Variants in PRORP observed in about 807,000 individuals in gnomAD.
PRORP encodes protein only RNase P catalytic subunit.
Under a neutral mutation model 59.4 loss-of-function variants are expected in PRORP, and 51 were observed. The ratio of observed to expected loss-of-function variants is 0.86; its 90% confidence interval spans 0.69 to 1.08. PRORP has a LOEUF of 1.08. PRORP is among the 50% of genes least tolerant of loss of function. The pLI is 0.00. For synonymous variants in PRORP, 231 were observed against 245.6 expected, an observed-to-expected ratio of 0.94 and a Z score of 0.55; for missense variants, 646 against 690.3, an observed-to-expected ratio of 0.94 and a Z score of 0.72.
At chr14:35,238,562 G>T (rs2050279935) in intron 5 of PRORP, among the ~76,000 whole-genome samples, 1 of 152,146 alleles carries the variant, frequency 6.6e-6, no homozygotes, top group African/African-American at 2.4e-5. Context: ...AAGAGGAAAA[G>T]AATGTGCTTA....
At chr14:35,209,477 G>A (rs1183248583) in intron 5 of PRORP, among the ~76,000 whole-genome samples, 5 of 152,054 alleles carry the variant, frequency 3.3e-5, no homozygotes, top group African/African-American at 1.2e-4. Flanking sequence ...TGTTAAGGTC[G>A]GTTTTAATTT....
Position 35,138,797 on chromosome 14 carries a change from A to ATT in PRORP, c.1167+11197_1167+11198dup, listed in dbSNP as rs368407981. 8.8e-5 allele frequency among the ~76,000 whole-genome samples: 12 copies of ATT among 136,824 alleles called. 1 individual carries two copies. The highest frequency in any genetic ancestry group is 1.3e-4 in the African/African-American group (5 of 39,534). 89.8% of individuals were successfully genotyped at this position (136,824 alleles called of 152,430 possible). On this transcript the variant is annotated intron_variant, in intron 4 of 7. Coordinates refer to ENST00000534898, the MANE Select transcript of PRORP (RefSeq NM_014672.4). Reference sequence around the variant, plus strand: ...TGGACCTCAGCCACTAAAGATATTGATTTTTTTTTTTTAGACGGAGTCTCC... The same window carrying ATT: ...TGGACCTCAGCCACTAAAGATATTGATTTTTTTTTTTTTTAGACGGAGTCTCC...
rs961655776 is a variant in PRORP at position 35,274,993 on chromosome 14, T to C, written c.*1427T>C. 6.6e-6 allele frequency: 1 copy of C among 152,120 alleles called. No homozygotes were observed. Among genetic ancestry groups the C allele is most frequent in the African/African-American group, 2.4e-5 (1 of 41,400 alleles). The allele number at this position is 152,120 out of a possible 1,614,324, so 9.4% of individuals were successfully genotyped here. A position where few individuals can be genotyped will look rare whatever the true frequency, so the allele number is the denominator to read the frequency against. The stretch of plus-strand genomic sequence containing the variant: ...TGATAGTTCTTTCTTTACGTATACA[T>C]ACTGTATTCAATATGCAAGAACAGG... On this transcript the variant is annotated 3_prime_UTR_variant, in exon 8 of 8. Transcript: ENST00000534898.
At chr14:35,243,857 G>T (rs1014125684) in intron 5 of PRORP, among the ~76,000 whole-genome samples, 1 of 152,088 alleles carries the variant, frequency 6.6e-6, no homozygotes, top group Non-Finnish European at 1.5e-5. Context: ...AATATTTAAA[G>T]TACTTTTGAC....
chr14:35,255,252 C>T (rs1594345524), intron 5 of PRORP, among the ~76,000 whole-genome samples: 1 of 152,106 alleles, frequency 6.6e-6, no homozygotes, highest in East Asian at 1.9e-4. Context: ...CTCAGCCTCC[C>T]AAGTAGCTGG....
At chr14:35,230,337 C>A (rs2050045379) in intron 5 of PRORP, among the ~76,000 whole-genome samples, 1 of 152,226 alleles carries the variant, frequency 6.6e-6, no homozygotes, top group Admixed American at 6.5e-5. Flanking sequence ...CAGGCGTGAG[C>A]CACCACGCCC....
intron 5 of PRORP, among the ~76,000 whole-genome samples, chr14:35,264,855 G>A (rs756393154): frequency 2.0e-5 from 3 of 152,142 alleles, no homozygotes; most frequent in Non-Finnish European, 2.9e-5. Flanking sequence ...GCGTGTGCCT[G>A]TAGTCCCACC....
chr14:35,206,922 G>T (rs371426993), intron 5 of PRORP, among the ~76,000 whole-genome samples: 2 of 152,130 alleles, frequency 1.3e-5, no homozygotes, highest in Admixed American at 1.3e-4. Context: ...TCTCTGTAGG[G>T]ATTATGCATG....
chr14:35,236,519 G>A (rs2050219042), intron 5 of PRORP, among the ~76,000 whole-genome samples: 4 of 152,168 alleles, frequency 2.6e-5, no homozygotes, highest in Admixed American at 6.5e-5. Flanking sequence ...CCTCAGGACA[G>A]CAGTAACTTC....
At chr14:35,184,022 G>A (rs930989434) in intron 5 of PRORP, among the ~76,000 whole-genome samples, 5 of 151,990 alleles carry the variant, frequency 3.3e-5, no homozygotes, top group Non-Finnish European at 7.4e-5. Context: ...GAGATTTCCA[G>A]ACTTTTTGTC....
chr14:35,179,859 A>C (rs144102567), intron 4 of PRORP, among the ~76,000 whole-genome samples: 8 of 151,932 alleles, frequency 5.3e-5, no homozygotes, highest in African/African-American at 1.9e-4. Context: ...CCCCATCTTT[A>C]TGGTTTTATC....
chr14:35,180,701 C>G lies in PRORP; in HGVS notation c.1199C>G (p.Ser400Cys). 6.2e-7 allele frequency: 1 copy of G among 1,612,344 alleles called. No homozygotes were observed. Among genetic ancestry groups the G allele is most frequent in the Non-Finnish European group, 8.5e-7 (1 of 1,178,778 alleles). The change falls in exon 5 of 8, where the codon TCT (serine) becomes TGT (cysteine). Residue 400 changes from serine to cysteine, a missense_variant. Ser to Cys is a moderately radical substitution (Grantham distance 112, BLOSUM62 -1). Transcript: ENST00000534898. Reference protein sequence around the residue: ...ELKRFENFIKSRPPFDVVIDG... With the variant: ...ELKRFENFIKCRPPFDVVIDG... Reference sequence around the variant, plus strand: ...AAGAGATTTGAGAACTTCATAAAATCTCGTCCTCCTTTTGATGTTGTCATT... The same window carrying G: ...AAGAGATTTGAGAACTTCATAAAATGTCGTCCTCCTTTTGATGTTGTCATT...
chr14:35,161,929 G>A (rs1566467036), intron 4 of PRORP, among the ~76,000 whole-genome samples: 1 of 152,100 alleles, frequency 6.6e-6, no homozygotes, highest in Non-Finnish European at 1.5e-5. Flanking sequence ...TTTAGCTCAT[G>A]ATTCTAGATG....
intron 2 of PRORP, among the ~76,000 whole-genome samples, chr14:35,126,236 G>T (rs1018475261): frequency 6.6e-6 from 1 of 151,706 alleles, no homozygotes; most frequent in African/African-American, 2.4e-5. Context: ...AAGGAGGAAA[G>T]GATACATTGA....
chr14:35,127,673 T>C (rs2138782747), intron 4 of PRORP, 62 bp downstream of exon 4: 1 of 1,567,582 alleles, frequency 6.4e-7, no homozygotes, highest in South Asian at 1.1e-5. Flanking sequence ...TTAGCAATTT[T>C]TGTAAAATGC....
chr14:35,268,976 A>G (rs923388942), intron 6 of PRORP, among the ~76,000 whole-genome samples: 1 of 152,124 alleles, frequency 6.6e-6, no homozygotes, highest in Admixed American at 6.6e-5. Flanking sequence ...CAGTTCCCAA[A>G]CCACATCCCT....
chr14:35,250,407 T>C (rs2050586916), intron 5 of PRORP, among the ~76,000 whole-genome samples: 1 of 152,166 alleles, frequency 6.6e-6, no homozygotes, highest in Non-Finnish European at 1.5e-5. Context: ...TAGAGAAAAT[T>C]ATTCCTGAGT....
chr14:35,248,662 C>T (rs975198890), intron 5 of PRORP, among the ~76,000 whole-genome samples: 1 of 152,092 alleles, frequency 6.6e-6, no homozygotes, highest in Admixed American at 6.5e-5. Context: ...CTAGAAGCCT[C>T]AAGCCACAAC....
At chr14:35,165,659 C>T (rs1349571746) in intron 4 of PRORP, among the ~76,000 whole-genome samples, 3 of 151,518 alleles carry the variant, frequency 2.0e-5, no homozygotes, top group South Asian at 4.2e-4. Flanking sequence ...CCCAGAGTCT[C>T]ATGTCATGTG....
Sources: allele counts gnomAD v4.1 joint callset (sites outside exome capture counted in the v4.1 genomes callset), GRCh38; gene constraint gnomAD v4.1.1; transcripts MANE v1.5; gene names NCBI Gene and HGNC (gene_info 2026-07-23, HGNC 2026-07-21).